CRADD: variants seen among roughly 807,000 people sequenced by gnomAD.
CRADD encodes the protein CARD and death domain containing adaptor protein, also known as death domain-containing protein CRADD.
Under a neutral mutation model 15.5 loss-of-function variants are expected in CRADD, and 9 were observed. The observed-to-expected ratio is 0.58, with a 90% CI of 0.35 to 1.01. The LOEUF is 1.01. CRADD is among the 50% of genes least tolerant of loss of function. CRADD has a pLI of 0.02. For synonymous variants in CRADD, 118 were observed against 107.6 expected (o/e 1.10, Z -0.60); for missense variants, 227 against 250.3 (o/e 0.91, Z 0.63).
chr12:93,716,447 C>T (rs980915443), intron 2 of CRADD, among the ~76,000 whole-genome samples: 3 of 152,098 alleles, frequency 2.0e-5, no homozygotes, highest in Non-Finnish European at 4.4e-5. Flanking sequence ...TGGGTTGGGA[C>T]AAATATATAA....
intron 2 of CRADD, among the ~76,000 whole-genome samples, chr12:93,748,881 C>T (rs929052526): frequency 2.0e-5 from 3 of 152,192 alleles, no homozygotes; most frequent in African/African-American, 7.2e-5. Context: ...AGTGCCTTGC[C>T]TTATCCCATG....
chr12:93,816,007 T>C (rs1379670506), intron 2 of CRADD: 1 of 152,240 alleles, frequency 6.6e-6, no homozygotes, highest in Non-Finnish European at 1.5e-5. Flanking sequence ...AGAGTAGGGC[T>C]ATCTAATAGA....
intron 2 of CRADD, among the ~76,000 whole-genome samples, chr12:93,806,766 G>A (rs1957544109): frequency 6.6e-6 from 1 of 152,100 alleles, no homozygotes. Flanking sequence ...AATATTTTGT[G>A]ACATGATTTG....
At chr12:93,718,413 G>A (rs1034808599) in intron 2 of CRADD, among the ~76,000 whole-genome samples, 4 of 152,160 alleles carry the variant, frequency 2.6e-5, no homozygotes, top group African/African-American at 9.7e-5. Context: ...CTTTGGGGGG[G>A]TGCTAATGTA....
At chr12:93,860,685 A>T (rs1410172828) in intron 2 of CRADD, among the ~76,000 whole-genome samples, 1 of 152,146 alleles carries the variant, frequency 6.6e-6, no homozygotes, top group African/African-American at 2.4e-5. Flanking sequence ...AAACCCTGAG[A>T]TGGGAACTGT....
At chr12:93,704,882 C>T (rs1459925622) in intron 2 of CRADD, among the ~76,000 whole-genome samples, 1 of 152,212 alleles carries the variant, frequency 6.6e-6, no homozygotes, top group African/African-American at 2.4e-5. Flanking sequence ...TAGCCGTTCT[C>T]TGTGCCTGGT....
At chr12:93,873,305 T>C (rs1958435526) in intron 2 of CRADD, among the ~76,000 whole-genome samples, 1 of 152,178 alleles carries the variant, frequency 6.6e-6, no homozygotes, top group Non-Finnish European at 1.5e-5. Flanking sequence ...AATAGTTTCT[T>C]TGTGGAGTCT....
intron 2 of CRADD, among the ~76,000 whole-genome samples, chr12:93,778,723 G>GT (rs199532871): frequency 0.019 from 2,540 of 130,316 alleles, 58 homozygotes; most frequent in African/African-American, 0.054. Flanking sequence ...TTTTTGGTTG[G>GT]TTTTTTTTTT....
At chr12:93,837,956 A>G (rs967665344) in intron 2 of CRADD, 2 of 152,208 alleles carry the variant, frequency 1.3e-5, no homozygotes, top group African/African-American at 4.8e-5. Flanking sequence ...TGCGAGCTCA[A>G]TTATTGCTAA....
At chr12:93,719,748 CT>C (rs1391263795) in intron 2 of CRADD, among the ~76,000 whole-genome samples, 1 of 151,974 alleles carries the variant, frequency 6.6e-6, no homozygotes, top group African/African-American at 2.4e-5. Context: ...TATAAAACTT[CT>C]TTATCCTTTT....
chr12:93,700,908 T>G (rs1257923012), intron 2 of CRADD, among the ~76,000 whole-genome samples: 1 of 152,196 alleles, frequency 6.6e-6, no homozygotes, highest in Non-Finnish European at 1.5e-5. Context: ...ACCTTCTATG[T>G]TGGATTAAGT....
At chr12:93,875,052 A>C (rs571872901) in intron 2 of CRADD, among the ~76,000 whole-genome samples, 2 of 152,050 alleles carry the variant, frequency 1.3e-5, no homozygotes, top group Non-Finnish European at 2.9e-5. Flanking sequence ...ATTATGATCT[A>C]TCTCTCCCTT....
chr12:93,816,433 G>A (rs928531768), intron 2 of CRADD, among the ~76,000 whole-genome samples: 4 of 133,124 alleles, frequency 3.0e-5, no homozygotes, highest in East Asian at 2.2e-4. Flanking sequence ...CACCATGTTC[G>A]TCAGGCTGGT....
intron 2 of CRADD, among the ~76,000 whole-genome samples, chr12:93,688,534 A>G (rs570421647): frequency 6.6e-6 from 1 of 151,120 alleles, no homozygotes; most frequent in Non-Finnish European, 1.5e-5. Context: ...TTTGTGTCTC[A>G]CAAAGAACTT....
At chr12:93,883,008 C>A (rs1186463064) in intron 2 of CRADD, among the ~76,000 whole-genome samples, 2 of 152,162 alleles carry the variant, frequency 1.3e-5, no homozygotes, top group Non-Finnish European at 2.9e-5. Context: ...CCCAAAGTGG[C>A]AACACGAAGA....
At chr12:93,691,232 T>G (rs981400043) in intron 2 of CRADD, among the ~76,000 whole-genome samples, 6 of 150,310 alleles carry the variant, frequency 4.0e-5, no homozygotes, top group Non-Finnish European at 8.8e-5. Flanking sequence ...GAAAACTTAA[T>G]ATAAAGAATT....
chr12:93,717,489 AT>A (rs1284960923), intron 2 of CRADD, among the ~76,000 whole-genome samples: 1 of 152,106 alleles, frequency 6.6e-6, no homozygotes, highest in African/African-American at 2.4e-5. Context: ...TCTTCCAGGA[AT>A]TTTAAAGTTT....
chr12:93,693,673 TA>T (rs1224760305), intron 2 of CRADD, among the ~76,000 whole-genome samples: 1 of 152,004 alleles, frequency 6.6e-6, no homozygotes, highest in African/African-American at 2.4e-5. Flanking sequence ...CCACTTTCAG[TA>T]ATGGACAGGT....
chr12:93,886,159 A>C (rs57815760), intron 2 of CRADD, among the ~76,000 whole-genome samples: 48,285 of 135,888 alleles, frequency 0.36, 8,982 homozygotes, highest in African/African-American at 0.47. Flanking sequence ...CTAGCTGCTG[A>C]TGCTTTTTTT....
Sources: allele counts gnomAD v4.1 joint callset (sites outside exome capture counted in the v4.1 genomes callset), GRCh38; gene constraint gnomAD v4.1.1; transcripts MANE v1.5; gene names NCBI Gene and HGNC (gene_info 2026-07-23, HGNC 2026-07-21).